ZNF12: variants seen among roughly 807,000 people sequenced by gnomAD.
The protein encoded by ZNF12 is zinc finger protein 12, also known as gonadotropin inducible transcription repressor 3.
A neutral mutation model predicts 66.6 loss-of-function variants in ZNF12; 34 were observed. The ratio of observed to expected loss-of-function variants is 0.51; its 90% CI spans 0.39 to 0.68. ZNF12 has a LOEUF of 0.68. Ranked by LOEUF, ZNF12 falls within the 30% of genes least tolerant of loss-of-function variation. The pLI is 0.00. For missense variants in ZNF12, 697 were observed against 826.9 expected (o/e 0.84, Z 1.93); for synonymous variants, 320 against 278.9 (o/e 1.15, Z -1.47).
Position 6,696,427 on chromosome 7 carries a change from C to G in ZNF12, c.238+912G>C, listed in dbSNP as rs3801038. ...CCAGGCCTGATGAGAACAAGAGCAG[C>G]TCTGTAACTGGTATCACAGAAAATA... On this transcript the variant is annotated intron_variant, in intron 4 of 4. Transcript: ENST00000405858. This position sits in a 1 kb window ranked among gnomAD's most constrained non-coding sequence, Gnocchi z 4.0. Among the ~76,000 whole-genome samples, 33,295 of 152,134 alleles carry G rather than the reference C, an allele frequency of 0.22. 3,764 individuals are homozygous for G. Among genetic ancestry groups the G allele is most frequent in the East Asian group, 0.3 (1,561 of 5,160 alleles).
In ZNF12 at chr7:6,692,752, T is replaced by C. The variant is rs1411647968; in HGVS notation, c.239-49A>G. 3.4e-6 allele frequency: 5 copies of C among 1,485,302 alleles called. No individual in the cohort carries two copies. Among genetic ancestry groups the C allele is most frequent in the Non-Finnish European group, 4.5e-6 (5 of 1,110,956 alleles). The allele number at this position is 1,485,302 out of a possible 1,614,324, so 92.0% of individuals were successfully genotyped here. On this transcript the variant is annotated intron_variant, in intron 4 of 4. Transcript: ENST00000405858. The surrounding 1 kb of genome is among the most constrained non-coding windows in gnomAD (Gnocchi z 5.1). ...ACTTTTGTACATCTTCCTATATATA[T>C]ATGATATGGAATGAGATTCATGATT...
In ZNF12 at chr7:6,690,817, A is replaced by G. The variant is rs1562597463; in HGVS notation, c.*31T>C. 1 of 1,555,838 alleles carries G rather than the reference A, an allele frequency of 6.4e-7. No individual in the cohort carries two copies. The highest frequency in any genetic ancestry group is 1.2e-5 in the South Asian group (1 of 81,168). ...GGAGTTTCTGATTCACTATACTGAA[A>G]GGGTTCTCTGATATAAAATGAGGTC... On this transcript the variant is annotated 3_prime_UTR_variant, in exon 5 of 5. Transcript: ENST00000405858.
Position 6,692,323 on chromosome 7 carries a change from A to G in ZNF12, c.619T>C (p.Tyr207His). ...TTCTCCAAAATACGAATTTTCTGAT[A>G]AAGACTTTCTTCATTTAGAGTATAA... The part of the protein sequence containing the change: ...EPYTLNEESL[Y>H]QKIRILEKPF... The change falls in exon 5 of 5, where the codon TAT becomes CAT. Residue 207 changes from tyrosine (Y) to histidine (H), a missense_variant. Around this residue, in one of 3 missense-constraint regions of ZNF12, gnomAD observed 241 missense variants for 224.0 expected, o/e 1.08. Coordinates refer to ENST00000405858, the MANE Select transcript of ZNF12 (RefSeq NM_016265.4). The surrounding 1 kb of genome is among the most constrained non-coding windows in gnomAD (Gnocchi z 5.1). 1.2e-6 allele frequency: 2 copies of G among 1,609,838 alleles called. No homozygotes were observed. The highest frequency in any genetic ancestry group is 1.7e-6 in the Non-Finnish European group (2 of 1,178,382).
At chr7:6,704,557 T>A (rs1780317290) in intron 2 of ZNF12, among the ~76,000 whole-genome samples, 2 of 125,882 alleles carry the variant, frequency 1.6e-5, no homozygotes, top group South Asian at 5.4e-4. Context: ...GGTGAAACCC[T>A]GTCTCTACTT....
rs951948660 is a variant in ZNF12, at chr7:6,689,142, A to T, written c.*1706T>A. ...TATTAGTAATAGAGCATCCTAAATC[A>T]ACTGGCTTAAAAATAAGTTTAGTCT... On this transcript the variant is annotated 3_prime_UTR_variant, in exon 5 of 5. Transcript: ENST00000405858. 6.6e-6 allele frequency: 1 copy of T among 152,262 alleles called. No individual in the cohort carries two copies. The allele number at this position is 152,262 out of a possible 1,614,324, so 9.4% of individuals were successfully genotyped here.
rs571301170 is a variant in ZNF12, at chr7:6,706,274, C to A, written c.-51+158G>T. 6.6e-5 allele frequency among the ~76,000 whole-genome samples: 10 copies of A among 152,286 alleles called. No homozygotes were observed. The East Asian group carries it at 1.9e-3, about 29-fold the overall frequency. On this transcript the variant is annotated intron_variant, in intron 1 of 4. Transcript: ENST00000405858. ...AGGCTGGTGACACCCCCCACGCCCC[C>A]GTAAGCCTCGTCCTCGCCGGACCCT...
intron 4 of ZNF12, among the ~76,000 whole-genome samples, chr7:6,695,524 G>T (rs1320233907): frequency 6.6e-6 from 1 of 152,164 alleles, no homozygotes; most frequent in East Asian, 1.9e-4. Context: ...ATATTTAGAA[G>T]TAACTGCCTG....
In ZNF12 at chr7:6,691,504, G is replaced by A. The variant is rs1780067459; in HGVS notation, c.1438C>T (p.Leu480Phe). 6.2e-7 allele frequency: 1 copy of A among 1,613,672 alleles called. No homozygotes were observed. Among genetic ancestry groups the A allele is most frequent in the Non-Finnish European group, 8.5e-7 (1 of 1,179,842 alleles). The part of the protein sequence containing the change: ...CGKTFYLNSA[L>F]MRHQRVHTGE... The stretch of plus-strand genomic sequence containing the variant: ...GTGTGCACTCTCTGATGTCTCATGA[G>A]GGCTGAATTCAGGTAGAAGGTTTTT... Residue 480 changes from leucine to phenylalanine, a missense_variant, in exon 5 of 5, where the codon CTC (leucine) becomes TTC (phenylalanine). By Grantham distance (22) the Leu-to-Phe change is conservative. Coordinates refer to ENST00000405858, the MANE Select transcript of ZNF12 (RefSeq NM_016265.4).
rs1025173196 is a variant in ZNF12, at chr7:6,691,586, G to T, written c.1356C>A (p.Leu452=). The change falls in exon 5 of 5, where the codon CTC becomes CTA. Residue 452 remains leucine (L), a synonymous_variant. Transcript: ENST00000405858. ...CTGAATGAGTTCTATAATGTACAGT[G>T]AGATATGACAACCGAGAGAAGAATT... ...CGKFFSRLSY[L]TVHYRTHSGE... The T allele has an allele frequency of 3.7e-6, 6 of 1,613,968 alleles. No homozygotes were observed. The Admixed American group carries it at 5.0e-5, about 13-fold the overall frequency.
At position 6,698,030 on chromosome 7, in the gene ZNF12, T is replaced by C. The variant is rs568045249; in HGVS notation, c.16-219A>G. On this transcript the variant is annotated intron_variant, in intron 2 of 4. Transcript: ENST00000405858. The surrounding 1 kb of genome is among the most constrained non-coding windows in gnomAD (Gnocchi z 4.4). ...AAAAACAAAAAAACAACACTGGGAT[T>C]GCACGGTGAGCCAGAAACAATCCTG... 4.1e-6 allele frequency: 3 copies of C among 739,786 alleles called. No individual in the cohort carries two copies. Among genetic ancestry groups the C allele is most frequent in the East Asian group, 5.2e-5 (2 of 38,130 alleles). 45.8% of individuals were successfully genotyped at this position (739,786 alleles called of 1,614,324 possible).
Position 6,691,691 on chromosome 7 carries a change from G to A in ZNF12, c.1251C>T (p.Cys417=), listed in dbSNP as rs1259400262. 1 of 1,613,908 alleles carries A rather than the reference G, an allele frequency of 6.2e-7. No homozygotes were observed. Among genetic ancestry groups the A allele is most frequent in the Non-Finnish European group, 8.5e-7 (1 of 1,179,892 alleles). The part of the protein sequence containing the change: ...KLYKCSECGK[C]FCRKSTLTTH... Reference sequence around the variant, plus strand: ...TCGTGAGAGTAGACTTGCGGCAGAAGCATTTCCCACATTCACTACACTTGT... The same window carrying A: ...TCGTGAGAGTAGACTTGCGGCAGAAACATTTCCCACATTCACTACACTTGT... The change falls in exon 5 of 5, where the codon TGC becomes TGT. Residue 417 remains cysteine, a synonymous_variant. Coordinates refer to ENST00000405858, the MANE Select transcript of ZNF12 (RefSeq NM_016265.4).
intron 2 of ZNF12, among the ~76,000 whole-genome samples, chr7:6,700,270 G>A (rs1478859711): frequency 7.1e-6 from 1 of 141,102 alleles, no homozygotes. Context: ...GGGCAACAGA[G>A]CAAGACTCCG....
chr7:6,692,064 C>A lies in ZNF12; in HGVS notation c.878G>T (p.Gly293Val), dbSNP rs1463516147. The stretch of plus-strand genomic sequence containing the variant: ...CTGATTACATTCGTAAGGTTTCTCT[C>A]CTGTGTGAGTCCTCTGATGTATAAT... The part of the protein sequence containing the change: ...KFIIHQRTHT[G>V]EKPYECNQCG... The change falls in exon 5 of 5, where the codon GGA becomes GTA. Residue 293 changes from glycine to valine, a missense_variant. By Grantham distance (109) the Gly-to-Val change is moderately radical (BLOSUM62 -3). Transcript: ENST00000405858. The surrounding 1 kb of genome is among the most constrained non-coding windows in gnomAD (Gnocchi z 5.1). 1.2e-6 allele frequency: 2 copies of A among 1,613,776 alleles called. No homozygotes were observed. Among genetic ancestry groups the A allele is most frequent in the Non-Finnish European group, 1.7e-6 (2 of 1,179,662 alleles).
Position 6,698,038 on chromosome 7 carries a change from G to A in ZNF12, c.16-227C>T. The A allele has an allele frequency of 1.4e-6, 1 of 726,880 alleles. No individual in the cohort carries two copies. The highest frequency in any genetic ancestry group is 1.8e-5 in the Admixed American group (1 of 57,006). The allele number at this position is 726,880 out of a possible 1,614,324, so 45.0% of individuals were successfully genotyped here. On this transcript the variant is annotated intron_variant, in intron 2 of 4. Transcript: ENST00000405858. The surrounding 1 kb of genome is among the most constrained non-coding windows in gnomAD (Gnocchi z 4.4). ...AAAAACAACACTGGGATTGCACGGT[G>A]AGCCAGAAACAATCCTGGCTGTTGG...
chr7:6,697,594 C>T lies in ZNF12; in HGVS notation c.142+91G>A, dbSNP rs1780172980. 6.3e-7 allele frequency: 1 copy of T among 1,577,200 alleles called. No individual in the cohort carries two copies. Among genetic ancestry groups the T allele is most frequent in the African/African-American group, 1.3e-5 (1 of 74,100 alleles). On this transcript the variant is annotated intron_variant, in intron 3 of 4. Coordinates refer to ENST00000405858, the MANE Select transcript of ZNF12 (RefSeq NM_016265.4). This position sits in a 1 kb window ranked among gnomAD's most constrained non-coding sequence, Gnocchi z 6.1. ...GCCTGGTGCCCAAAAACAGATTACT[C>T]ACATTCGTCCCATCAAATTTTAAGT... is the stretch of plus-strand genomic sequence containing the variant.
chr7:6,700,336 C>CACACACACACACATAT (rs59783256), intron 2 of ZNF12, among the ~76,000 whole-genome samples: 4 of 143,016 alleles, frequency 2.8e-5, no homozygotes, highest in South Asian at 2.2e-4. Context: ...CACACACACA[C>CACACACACACACATAT]ATATATATAC....
intron 2 of ZNF12, among the ~76,000 whole-genome samples, chr7:6,702,463 G>GCACACATA (rs1780266782): frequency 3.7e-4 from 1 of 2,734 alleles, no homozygotes. Flanking sequence ...AACTCCACAC[G>GCACACATA]CACCAGATTC....
At position 6,691,306 on chromosome 7, in the gene ZNF12, C is replaced by A. The variant is rs1337587404; in HGVS notation, c.1636G>T (p.Glu546Ter). 1 of 1,613,940 alleles carries A rather than the reference C, an allele frequency of 6.2e-7. No homozygotes were observed. The highest frequency in any genetic ancestry group is 8.5e-7 in the Non-Finnish European group (1 of 1,179,930). ...CATATATAGCATTCATAGGGCTTCT[C>A]TCCTTTGTGTATTCTCCGATGTCTA... is the stretch of plus-strand genomic sequence containing the variant. Reference protein sequence around the residue: ...LCRHRRIHKGEKPYECYICGK... With the variant: ...LCRHRRIHKG The change falls in exon 5 of 5, where the codon GAG becomes TAG. Residue 546 changes from glutamate to a stop codon, truncating the protein, a stop_gained. Transcript: ENST00000405858. LOFTEE classifies it high-confidence loss of function.
Position 6,696,065 on chromosome 7 carries a change from G to A in ZNF12, c.238+1274C>T, listed in dbSNP as rs995924813. ...TAAAATTCCCTTTAGGAAGTAAAAT[G>A]TAACCAACTATAGGCTTATCTTGTG... On this transcript the variant is annotated intron_variant, in intron 4 of 4. Transcript: ENST00000405858. This position sits in a 1 kb window ranked among gnomAD's most constrained non-coding sequence, Gnocchi z 4.0. Among the ~76,000 whole-genome samples the A allele has an allele frequency of 6.6e-6, 1 of 152,194 alleles. No homozygotes were observed. Among genetic ancestry groups the A allele is most frequent in the Non-Finnish European group, 1.5e-5 (1 of 68,032 alleles).
Sources: gnomAD v4.1 joint callset for allele counts (sites outside exome capture counted in the v4.1 genomes callset) on GRCh38, gnomAD v4.1.1 for gene constraint, gnomAD v4.1.1 regional missense constraint, Gnocchi (gnomAD v3.1) non-coding constraint, MANE v1.5 for transcripts, NCBI Gene and HGNC (gene_info 2026-07-23, HGNC 2026-07-21) for gene names.